Variants in PLXNA3 observed in about 807,000 individuals in gnomAD.
PLXNA3 encodes plexin A3, also known as plexin-A3.
In PLXNA3, 52 loss-of-function variants were observed where a neutral mutation model predicts 118.8. That is an observed-to-expected ratio of 0.44 (90% CI 0.35 to 0.55). The LOEUF (loss-of-function observed/expected upper bound fraction) is 0.55, where lower values mean the gene tolerates loss of function less well. PLXNA3 is among the 20% of genes least tolerant of loss of function. The pLI, the probability that PLXNA3 is intolerant of heterozygous loss-of-function variation, is 0.01. For missense variants in PLXNA3, 1,660 were observed against 1,730.8 expected (o/e 0.96, Z 0.73); for synonymous variants, 925 against 762.4 (o/e 1.21, Z -3.51).
Position 154,477,472 on chromosome X carries a change from T to G in PLXNA3, c.*4787T>G. ...GATCGTTAGAGGAAAAAAGCTCATGTTAGATTTAAAAATCAGGAAAAAAAT... is the reference window on the plus strand; with the variant it reads ...GATCGTTAGAGGAAAAAAGCTCATGGTAGATTTAAAAATCAGGAAAAAAAT... On this transcript the variant is annotated 3_prime_UTR_variant, in exon 33 of 33. Transcript: ENST00000369682. 8.7e-6 allele frequency: 1 copy of G among 114,623 alleles called. No homozygotes were observed. Among genetic ancestry groups the G allele is most frequent in the Non-Finnish European group, 1.8e-5 (1 of 54,717 alleles). The allele number at this position is 114,623 out of a possible 1,213,427, so 9.4% of individuals were successfully genotyped here.
rs138443015 is a variant in PLXNA3, at chrX:154,460,406, G to A, written c.223G>A (p.Ala75Thr). 19 of 1,203,504 alleles carry A rather than the reference G, an allele frequency of 1.6e-5. 1 individual carries two copies. The highest frequency in any genetic ancestry group is 5.9e-5 in the East Asian group (2 of 33,673). The change falls in exon 2 of 33, where the codon GCT becomes ACT. Residue 75 changes from alanine (A) to threonine (T), a missense_variant. Physicochemically the swap from Ala to Thr is moderately conservative, Grantham distance 58. This residue lies in a region of PLXNA3 where 791 missense variants were observed against 652.1 expected (regional missense o/e 1.21). Transcript: ENST00000369682. ...AHVTGPVEDN[A>T]RCYPPPSMRV... ...TGTCACGGGGCCCGTCGAGGACAACGCTCGCTGCTACCCGCCCCCCAGCAT... is the reference window on the plus strand; with the variant it reads ...TGTCACGGGGCCCGTCGAGGACAACACTCGCTGCTACCCGCCCCCCAGCAT...
chrX:154,471,602 C>T lies in PLXNA3; in HGVS notation c.5484C>T (p.Asn1828=), dbSNP rs1377284419. 9.1e-6 allele frequency: 11 copies of T among 1,209,202 alleles called. No individual in the cohort carries two copies. The highest frequency in any genetic ancestry group is 3.5e-5 in the African/African-American group (2 of 57,489). ...ASDFSVLSAL[N]ELYFYVTKYR... is the part of the protein sequence containing the mutation. Reference sequence around the variant, plus strand: ...ACTTCAGCGTCCTGAGTGCGCTCAACGAGCTGTATTTCTATGTCACCAAGT... The same window carrying T: ...ACTTCAGCGTCCTGAGTGCGCTCAATGAGCTGTATTTCTATGTCACCAAGT... Residue 1828 remains asparagine (N), a synonymous_variant, in exon 32 of 33, where the codon AAC becomes AAT. Transcript: ENST00000369682.
rs143834428 is a variant in PLXNA3, at chrX:154,468,305, G to A, written c.3966G>A (p.Thr1322=). 46 of 1,198,906 alleles carry A rather than the reference G, an allele frequency of 3.8e-5. No individual in the cohort carries two copies. Among genetic ancestry groups the A allele is most frequent in the Non-Finnish European group, 4.7e-5 (42 of 888,864 alleles). ...EAHPVLKELD[T]PPNVEKALRL... ...CTGAGACCTCCTGCTCCCCACAGAC[G>A]CCACCCAACGTGGAGAAGGCCCTGC... The change falls in exon 23 of 33, where the codon ACG becomes ACA. Residue 1322 remains threonine (T), a splice_region_variant and synonymous_variant. Coordinates refer to ENST00000369682, the MANE Select transcript of PLXNA3 (RefSeq NM_017514.5).
chrX:154,462,428 G>C (rs1471776972), intron 4 of PLXNA3, 118 bp downstream of exon 4: 2 of 575,316 alleles, frequency 3.5e-6, no homozygotes. Flanking sequence ...GGCTGGTGCA[G>C]GGAGGGAGAT....
At position 154,460,536 on chromosome X, in the gene PLXNA3, G is replaced by A. The variant is rs1401433188; in HGVS notation, c.353G>A (p.Gly118Asp). The change falls in exon 2 of 33, where the codon GGC becomes GAC. Residue 118 changes from glycine (G) to aspartate (D), a missense_variant. Physicochemically the swap from Gly to Asp is moderately conservative, Grantham distance 94. Around this residue, in one of 2 missense-constraint regions of PLXNA3, gnomAD observed 791 missense variants for 652.1 expected, o/e 1.21. Transcript: ENST00000369682. ...GTGGCCTGCGGCAGCATCTGGCAGG[G>A]CATCTGCCAGTTCCTGCGTCTGGAC... ...RLVACGSIWQ[G>D]ICQFLRLDDL... is the part of the protein sequence containing the mutation. The A allele has an allele frequency of 4.1e-6, 5 of 1,207,822 alleles. No individual in the cohort carries two copies. The highest frequency in any genetic ancestry group is 4.5e-6 in the Non-Finnish European group (4 of 893,483).
In PLXNA3 at chrX:154,463,592, G is replaced by A. The variant is rs896303939; in HGVS notation, c.1449G>A (p.Val483=). 10 of 1,195,980 alleles carry A rather than the reference G, an allele frequency of 8.4e-6. No individual in the cohort carries two copies. The highest frequency in any genetic ancestry group is 1.0e-5 in the Non-Finnish European group (9 of 889,033). Residue 483 remains valine (V), a splice_region_variant and synonymous_variant, in exon 6 of 33, where the codon GTG becomes GTA. Transcript: ENST00000369682. ...GGTGCTGATGTGGCTGTCCCCAGGT[G>A]AGCCAGCTCCCGGTGGAGACCTGTG... ...RHIYLLSEKQ[V]SQLPVETCEQ...
rs1297463353 is a variant in PLXNA3, at chrX:154,463,582, G to A, written c.1447-8G>A. The A allele has an allele frequency of 1.7e-6, 2 of 1,186,908 alleles. No individual in the cohort carries two copies. The highest frequency in any genetic ancestry group is 2.3e-6 in the Non-Finnish European group (2 of 884,633). ...GGGTGGGCTGGGTGCTGATGTGGCTGTCCCCAGGTGAGCCAGCTCCCGGTG... is the reference window on the plus strand; with the variant it reads ...GGGTGGGCTGGGTGCTGATGTGGCTATCCCCAGGTGAGCCAGCTCCCGGTG... On this transcript the variant is annotated splice_region_variant and splice_polypyrimidine_tract_variant and intron_variant, in intron 5 of 32. Coordinates refer to ENST00000369682, the MANE Select transcript of PLXNA3 (RefSeq NM_017514.5).
At position 154,468,132 on chromosome X, in the gene PLXNA3, G is replaced by A. The variant is rs1557208046; in HGVS notation, c.3871G>A (p.Glu1291Lys). 5.0e-6 allele frequency: 6 copies of A among 1,194,589 alleles called. 1 individual carries two copies. In the Admixed American group the frequency reaches 8.9e-5, roughly 18 times the overall value. ...DINELTNHMD[E>K]VQIPFLDYRT... Reference sequence around the variant, plus strand: ...CAATGAGCTGACTAACCACATGGACGAGGTGCAGATCCCCTTCCTGGACTA... The same window carrying A: ...CAATGAGCTGACTAACCACATGGACAAGGTGCAGATCCCCTTCCTGGACTA... The change falls in exon 22 of 33, where the codon GAG (glutamate) becomes AAG (lysine). Residue 1291 changes from glutamate to lysine, a missense_variant. By Grantham distance (56) the Glu-to-Lys change is moderately conservative. Transcript: ENST00000369682.
intron 4 of PLXNA3, among the ~76,000 whole-genome samples, chrX:154,462,556 G>A (rs1294742055): frequency 8.9e-6 from 1 of 112,329 alleles, no homozygotes; most frequent in Non-Finnish European, 1.9e-5. Flanking sequence ...TGGCTCTGGG[G>A]ACAGAGAACA....
rs2069164140 is a variant in PLXNA3 at position 154,470,228 on chromosome X, G to A, written c.4986+61G>A. 2.7e-6 allele frequency: 3 copies of A among 1,097,852 alleles called. No individual in the cohort carries two copies. In the Admixed American group the frequency reaches 7.1e-5, roughly 26 times the overall value. The allele number at this position is 1,097,852 out of a possible 1,213,427, so 90.5% of individuals were successfully genotyped here. A position where few individuals can be genotyped will look rare whatever the true frequency, so the allele number is the denominator to read the frequency against. On this transcript the variant is annotated intron_variant, in intron 29 of 32. Coordinates refer to ENST00000369682, the MANE Select transcript of PLXNA3 (RefSeq NM_017514.5). ...CAGAGGTTGTCCCGGCCTTACAGGG[G>A]AGGGGCCATGGATCATTTGCTTCCA...
At chrX:154,463,310 A>G (rs960817608) in intron 4 of PLXNA3, 81 bp from the exon 5 acceptor site, 47 of 1,180,340 alleles carry the variant, frequency 4.0e-5, no homozygotes, top group Non-Finnish European at 5.2e-5. Context: ...CTCAGCCACA[A>G]CCTCCAAAGT....
At position 154,466,227 on chromosome X, in the gene PLXNA3, C is replaced by T; in HGVS notation, c.2756C>T (p.Ser919Leu). 8.3e-7 allele frequency: 1 copy of T among 1,209,051 alleles called. No individual in the cohort carries two copies. Among genetic ancestry groups the T allele is most frequent in the South Asian group, 1.8e-5 (1 of 56,997 alleles). ...GTGGAGCTGTGTGTGGGTGACTGTT[C>T]AGCCGACTTCCGCACGCAGTCGGAG... ...GPVELCVGDC[S>L]ADFRTQSEQV... is the part of the protein sequence containing the mutation. The change falls in exon 15 of 33, where the codon TCA becomes TTA. Residue 919 changes from serine to leucine, a missense_variant. Around this residue, in one of 2 missense-constraint regions of PLXNA3, gnomAD observed 869 missense variants for 1,078.7 expected, o/e 0.81. Transcript: ENST00000369682.
chrX:154,460,328 G>T lies in PLXNA3; in HGVS notation c.145G>T (p.Ala49Ser), dbSNP rs1178391824. 1 of 1,210,500 alleles carries T rather than the reference G, an allele frequency of 8.3e-7. No homozygotes were observed. The highest frequency in any genetic ancestry group is 1.1e-6 in the Non-Finnish European group (1 of 894,856). The change falls in exon 2 of 33, where the codon GCA becomes TCA. Residue 49 changes from alanine (A) to serine (S), a missense_variant. Physicochemically the swap from Ala to Ser is moderately conservative, Grantham distance 99. This residue lies in a region of PLXNA3 where 791 missense variants were observed against 652.1 expected (regional missense o/e 1.21). Transcript: ENST00000369682. ...GGTGACTGGGGAGGTGTTCGTGGGC[G>T]CAGTGAACCGAGTCTTTAAGCTGGC... Reference protein sequence around the residue: ...HRVTGEVFVGAVNRVFKLAPN... With the variant: ...HRVTGEVFVGSVNRVFKLAPN...
At position 154,462,310 on chromosome X, in the gene PLXNA3, G is replaced by A. The variant is rs782549133; in HGVS notation, c.1317G>A (p.Lys439=). 1 of 1,145,478 alleles carries A rather than the reference G, an allele frequency of 8.7e-7. No homozygotes were observed. The highest frequency in any genetic ancestry group is 1.8e-5 in the African/African-American group (1 of 54,460). 94.4% of individuals were successfully genotyped at this position (1,145,478 alleles called of 1,213,427 possible). A position where few individuals can be genotyped will look rare whatever the true frequency, so the allele number is the denominator to read the frequency against. ...FIGTRSGSLK[K]VRVDGFQDAH... is the part of the protein sequence containing the mutation. The stretch of plus-strand genomic sequence containing the variant: ...GCACGCGCAGCGGCAGCTTGAAGAA[G>A]GTGGCCCCCAGAGCCCTGGGCATGT... Residue 439 remains lysine, a splice_region_variant and synonymous_variant, in exon 4 of 33, where the codon AAG becomes AAA. Coordinates refer to ENST00000369682, the MANE Select transcript of PLXNA3 (RefSeq NM_017514.5).
At chrX:154,458,498 G>C (rs1332089577) in intron 1 of PLXNA3, 70 bp downstream of exon 1, 1 of 111,807 alleles carries the variant, frequency 8.9e-6, no homozygotes, top group Non-Finnish European at 1.9e-5. Context: ...CGGCAGCCCG[G>C]GGGTCCGGCT....
Position 154,461,430 on chromosome X carries a change from G to A in PLXNA3, c.926G>A (p.Gly309Asp). Residue 309 changes from glycine (G) to aspartate (D), a missense_variant, in exon 3 of 33, where the codon GGC becomes GAC. Physicochemically the swap from Gly to Asp is moderately conservative, Grantham distance 94. Transcript: ENST00000369682. ...KPGLLLAQAL[G>D]VPADEDVLFT... ...GGCCTGCTGCTGGCCCAGGCCCTGG[G>A]CGTGCCGGCTGATGAGGACGTCCTC... 4 of 1,211,499 alleles carry A rather than the reference G, an allele frequency of 3.3e-6. No individual in the cohort carries two copies. Among genetic ancestry groups the A allele is most frequent in the Non-Finnish European group, 4.5e-6 (4 of 895,172 alleles).
Position 154,462,206 on chromosome X carries a change from C to G in PLXNA3, c.1213C>G (p.Pro405Ala), listed in dbSNP as rs782036831. The G allele has an allele frequency of 7.5e-5, 90 of 1,202,826 alleles. 2 individuals carry two copies. The South Asian group carries it at 1.3e-3, about 17-fold the overall frequency. Reference protein sequence around the residue: ...LGGLHVIEGLPLLADSTDGMA... With the variant: ...LGGLHVIEGLALLADSTDGMA... ...AGGCCTGCATGTGATCGAGGGGCTGCCCCTGCTGGCCGACAGCACCGACGG... is the reference window on the plus strand; with the variant it reads ...AGGCCTGCATGTGATCGAGGGGCTGGCCCTGCTGGCCGACAGCACCGACGG... Residue 405 changes from proline (P) to alanine (A), a missense_variant, in exon 4 of 33, where the codon CCC becomes GCC. By Grantham distance (27) the Pro-to-Ala change is conservative (BLOSUM62 -1). Around this residue, in one of 2 missense-constraint regions of PLXNA3, gnomAD observed 791 missense variants for 652.1 expected, o/e 1.21. Coordinates refer to ENST00000369682, the MANE Select transcript of PLXNA3 (RefSeq NM_017514.5).
chrX:154,464,681 G>C, intron 9 of PLXNA3, 73 bp from the exon 10 acceptor site: 1 of 778,227 alleles, frequency 1.3e-6, no homozygotes. Flanking sequence ...TTCAGTTCCC[G>C]ATGTGTCCTA....
rs782070642 is a variant in PLXNA3, at chrX:154,466,421, G to A, written c.2845G>A (p.Gly949Arg). 9 of 1,209,591 alleles carry A rather than the reference G, an allele frequency of 7.4e-6. No homozygotes were observed. The highest frequency in any genetic ancestry group is 8.9e-6 in the Non-Finnish European group (8 of 894,796). Reference protein sequence around the residue: ...QVSPSRGPASGGTRLTISGSS... With the variant: ...QVSPSRGPASRGTRLTISGSS... ...GAGTCCCAGCCGTGGCCCGGCGTCC[G>A]GGGGCACACGGCTTACCATCTCAGG... Residue 949 changes from glycine to arginine, a missense_variant, in exon 16 of 33, where the codon GGG (glycine) becomes AGG (arginine). By Grantham distance (125) the Gly-to-Arg change is moderately radical. This residue lies in a region of PLXNA3 where 869 missense variants were observed against 1,078.7 expected (regional missense o/e 0.81). Transcript: ENST00000369682.
Sources: gnomAD v4.1 joint callset for allele counts (sites outside exome capture counted in the v4.1 genomes callset) on GRCh38, gnomAD v4.1.1 for gene constraint, gnomAD v4.1.1 regional missense constraint, MANE v1.5 for transcripts, NCBI Gene and HGNC (gene_info 2026-07-23, HGNC 2026-07-21) for gene names.